Variants in TMEM161B observed in about 807,000 individuals in gnomAD.
TMEM161B encodes the protein transmembrane protein 161B.
TMEM161B carries 34 observed loss-of-function variants against 61.8 expected under a neutral mutation model. The observed-to-expected ratio is 0.55, with a 90% CI of 0.42 to 0.73. TMEM161B has a LOEUF of 0.73. TMEM161B is among the 30% of genes least tolerant of loss of function. The pLI is 0.00. For synonymous variants in TMEM161B, 167 were observed against 192.8 expected (o/e 0.87, Z 1.11); for missense variants, 456 against 558.5 (o/e 0.82, Z 1.85).
intron 5 of TMEM161B, among the ~76,000 whole-genome samples, chr5:88,220,338 G>C (rs577980317): frequency 5.3e-5 from 8 of 152,122 alleles, no homozygotes; most frequent in African/African-American, 1.7e-4. Context: ...GGCTGTCTCT[G>C]TGACATTAGA....
At chr5:88,259,122 C>G (rs181955014) in intron 1 of TMEM161B, 11 of 152,252 alleles carry the variant, frequency 7.2e-5, no homozygotes, top group Non-Finnish European at 1.3e-4. Context: ...TTTATCTCAT[C>G]TCCTCTTCAC....
downstream of TMEM161B, among the ~76,000 whole-genome samples, chr5:88,187,342 G>T (rs1450983697): frequency 6.6e-6 from 1 of 152,092 alleles, no homozygotes; most frequent in Non-Finnish European, 1.5e-5. Flanking sequence ...TTTAAGATCA[G>T]ATAGAAAACT....
chr5:88,242,279 A>T (rs996954614), intron 1 of TMEM161B, among the ~76,000 whole-genome samples: 3 of 151,780 alleles, frequency 2.0e-5, no homozygotes, highest in Non-Finnish European at 4.4e-5. Context: ...CCATAAAGGA[A>T]GATTCACTCC....
chr5:88,244,615 T>C (rs1346563741), intron 1 of TMEM161B, among the ~76,000 whole-genome samples: 2 of 141,668 alleles, frequency 1.4e-5, no homozygotes, highest in African/African-American at 2.7e-5. Context: ...AGGAGTGCCA[T>C]AGCTATTTGA....
At chr5:88,235,250 A>T (rs868115026) in intron 2 of TMEM161B, among the ~76,000 whole-genome samples, 1 of 152,216 alleles carries the variant, frequency 6.6e-6, no homozygotes, top group Non-Finnish European at 1.5e-5. Context: ...ACTTTTAGAA[A>T]TTTAAAATAG....
In TMEM161B at chr5:88,195,608, T is replaced by C; in HGVS notation, c.*603A>G. 2.0e-6 allele frequency: 2 copies of C among 985,028 alleles called. No individual in the cohort carries two copies. The highest frequency in any genetic ancestry group is 2.4e-6 in the Non-Finnish European group (2 of 829,276). The allele number at this position is 985,028 out of a possible 1,614,324, so 61.0% of individuals were successfully genotyped here. On this transcript the variant is annotated 3_prime_UTR_variant, in exon 12 of 12. Coordinates refer to ENST00000296595, the MANE Select transcript of TMEM161B (RefSeq NM_153354.5). Reference sequence around the variant, plus strand: ...ATGTTTTAAAACAATACTCTTGCTATTCTCAAGCAGCAGTAGTTATATATT... The same window carrying C: ...ATGTTTTAAAACAATACTCTTGCTACTCTCAAGCAGCAGTAGTTATATATT...
intron 5 of TMEM161B, among the ~76,000 whole-genome samples, chr5:88,214,249 G>C (rs1273102641): frequency 6.6e-6 from 1 of 151,942 alleles, no homozygotes; most frequent in Non-Finnish European, 1.5e-5. Flanking sequence ...ATACATAATA[G>C]GGTTTTGTAC....
chr5:88,214,450 G>A (rs185879902), intron 5 of TMEM161B, among the ~76,000 whole-genome samples: 275 of 150,544 alleles, frequency 1.8e-3, no homozygotes, highest in African/African-American at 6.0e-3. Flanking sequence ...AAAGATTCTT[G>A]GGAAAAAAAA....
At chr5:88,201,377 T>A (rs1176655230) in intron 9 of TMEM161B, 5 of 152,070 alleles carry the variant, frequency 3.3e-5, no homozygotes, top group Admixed American at 1.3e-4. Flanking sequence ...AACTACCAAG[T>A]GTTTTATGTA....
chr5:88,232,210 G>A (rs1300705525), intron 2 of TMEM161B, among the ~76,000 whole-genome samples: 1 of 152,144 alleles, frequency 6.6e-6, no homozygotes, highest in East Asian at 1.9e-4. Flanking sequence ...AAACAATAAG[G>A]CAGACTGTTG....
chr5:88,267,370 T>C (rs530145756), intron 1 of TMEM161B, among the ~76,000 whole-genome samples: 3 of 152,086 alleles, frequency 2.0e-5, no homozygotes, highest in African/African-American at 4.8e-5. Context: ...TTTAAAGAGA[T>C]AGGTTATCTG....
intron 1 of TMEM161B, among the ~76,000 whole-genome samples, chr5:88,263,417 CAAAT>C (rs1755940666): frequency 6.6e-6 from 1 of 152,056 alleles, no homozygotes; most frequent in Admixed American, 6.6e-5. Flanking sequence ...TGAATAAAAA[CAAAT>C]GAATGATTTA....
At chr5:88,190,062 A>C (rs1387888831), downstream of TMEM161B, 4 of 700,272 alleles carry the variant, frequency 5.7e-6, no homozygotes, top group Non-Finnish European at 1.0e-5. Flanking sequence ...TCAAAGAAGC[A>C]CATGGGTTAT....
At chr5:88,224,719 T>C (rs1185068201) in intron 4 of TMEM161B, among the ~76,000 whole-genome samples, 1 of 152,176 alleles carries the variant, frequency 6.6e-6, no homozygotes, top group South Asian at 2.1e-4. Context: ...TGTCTACTTA[T>C]ATGCAGATTC....
intron 2 of TMEM161B, among the ~76,000 whole-genome samples, chr5:88,236,056 C>T (rs1392179029): frequency 6.6e-6 from 1 of 152,118 alleles, no homozygotes; most frequent in Non-Finnish European, 1.5e-5. Flanking sequence ...TGGTAGGTTT[C>T]TCTCATCAAA....
At chr5:88,206,904 T>C in intron 6 of TMEM161B, 125 bp downstream of exon 6, 3 of 812,070 alleles carry the variant, frequency 3.7e-6, no homozygotes, top group Non-Finnish European at 5.7e-6. Context: ...ATTTTGAACA[T>C]TACAGAGTAT....
intron 1 of TMEM161B, among the ~76,000 whole-genome samples, chr5:88,255,045 G>A (rs1754791287): frequency 1.3e-5 from 2 of 152,078 alleles, no homozygotes; most frequent in Admixed American, 1.3e-4. Context: ...AAAATGTCAT[G>A]TCATAAGATA....
chr5:88,228,366 T>G (rs1022957973), intron 3 of TMEM161B, 79 bp downstream of exon 3: 1 of 1,097,324 alleles, frequency 9.1e-7, no homozygotes, highest in Non-Finnish European at 1.3e-6. Context: ...TGGTACATGT[T>G]TCTTTAATCA....
rs372534561 is a variant in TMEM161B, at chr5:88,196,091, T to C, written c.*120A>G. ...CAGAGGAAACATTTAATACAAGACA[T>C]TCTGATATGTTTTTTTTTTCCCATT... On this transcript the variant is annotated 3_prime_UTR_variant, in exon 12 of 12. Transcript: ENST00000296595. The C allele has an allele frequency of 2.7e-3, 3,955 of 1,450,042 alleles. 155 individuals carry two copies. In the South Asian group the frequency reaches 0.056, roughly 20 times the overall value. The allele number at this position is 1,450,042 out of a possible 1,614,324, so 89.8% of individuals were successfully genotyped here.
Sources: gnomAD v4.1 joint callset for allele counts (sites outside exome capture counted in the v4.1 genomes callset) on GRCh38, gnomAD v4.1.1 for gene constraint, MANE v1.5 for transcripts, NCBI Gene and HGNC (gene_info 2026-07-23, HGNC 2026-07-21) for gene names.